Variants in PELI2 observed in about 807,000 individuals in gnomAD.
PELI2 encodes the protein E3 ubiquitin-protein ligase pellino homolog 2.
PELI2 carries 23 observed loss-of-function variants against 42.3 expected under a neutral mutation model. The ratio of observed to expected loss-of-function variants is 0.54; its 90% CI spans 0.39 to 0.77. The LOEUF is 0.77. Among genes scored for constraint, PELI2 ranks in the 30% least tolerant of loss-of-function variants. The pLI, the probability that PELI2 is intolerant of heterozygous loss-of-function variation, is 0.00. For missense variants in PELI2, 463 were observed against 553.2 expected, an observed-to-expected ratio of 0.84 and a Z score of 1.64; for synonymous variants, 245 against 212.2, an observed-to-expected ratio of 1.15 and a Z score of -1.34.
rs564017803 is a variant in PELI2 at position 56,273,225 on chromosome 14, A to G, written c.208-6451A>G. On this transcript the variant is annotated intron_variant, in intron 2 of 5. Transcript: ENST00000267460. This position sits in a 1 kb window ranked among gnomAD's most constrained non-coding sequence, Gnocchi z 4.3. Reference sequence around the variant, plus strand: ...ATCCCCATGTGGCATTTCATTCTCCAGGCCCTCTCCCTGTGGCTTTGGCTT... The same window carrying G: ...ATCCCCATGTGGCATTTCATTCTCCGGGCCCTCTCCCTGTGGCTTTGGCTT... Among the ~76,000 whole-genome samples, 4 of 152,302 alleles carry G rather than the reference A, an allele frequency of 2.6e-5. No homozygotes were observed. The highest frequency in any genetic ancestry group is 9.6e-5 in the African/African-American group (4 of 41,576).
intron 1 of PELI2, among the ~76,000 whole-genome samples, chr14:56,147,473 G>C (rs954321157): frequency 3.3e-5 from 5 of 152,144 alleles, no homozygotes; most frequent in Admixed American, 3.3e-4. Flanking sequence ...AATCACTGGT[G>C]GGATGGCTTC....
At chr14:56,267,061 G>A (rs145009517) in intron 2 of PELI2, among the ~76,000 whole-genome samples, 170 of 152,162 alleles carry the variant, frequency 1.1e-3, no homozygotes, top group Middle Eastern at 6.8e-3. Flanking sequence ...AGTAGTAGTG[G>A]CTTTCTTAGT....
At chr14:56,130,661 T>C (rs1031077589) in intron 1 of PELI2, among the ~76,000 whole-genome samples, 3 of 152,128 alleles carry the variant, frequency 2.0e-5, no homozygotes, top group African/African-American at 7.2e-5. Context: ...ATGTCTGTTT[T>C]TGAGGAAATA....
intron 3 of PELI2, among the ~76,000 whole-genome samples, chr14:56,287,176 C>T (rs542308859): frequency 6.6e-6 from 1 of 152,232 alleles, no homozygotes; most frequent in African/African-American, 2.4e-5. Context: ...CTATGAGGCT[C>T]CAGGTTTGGT....
chr14:56,126,625 C>T (rs555989821), intron 1 of PELI2, among the ~76,000 whole-genome samples: 103 of 152,120 alleles, frequency 6.8e-4, no homozygotes, highest in Admixed American at 2.0e-3. Flanking sequence ...ACCTCGGTGG[C>T]CCCCCTCCTT....
chr14:56,232,326 A>G (rs1457886559), intron 2 of PELI2, among the ~76,000 whole-genome samples: 1 of 152,144 alleles, frequency 6.6e-6, no homozygotes, highest in Non-Finnish European at 1.5e-5. Flanking sequence ...TTTTAGACCA[A>G]TATCCCTGAT....
At chr14:56,119,652 G>T in intron 1 of PELI2, 1 of 412,402 alleles carries the variant, frequency 2.4e-6, no homozygotes. Context: ...AATAAGCCAG[G>T]AGAGAGGCTT....
intron 1 of PELI2, among the ~76,000 whole-genome samples, chr14:56,139,626 C>T (rs1883828009): frequency 6.6e-6 from 1 of 151,996 alleles, no homozygotes. Flanking sequence ...ATTCTTACTG[C>T]CTTCTATGTT....
Position 56,191,180 on chromosome 14 carries a change from T to C in PELI2, c.207+12716T>C, listed in dbSNP as rs73290639. On this transcript the variant is annotated intron_variant, in intron 2 of 5. Transcript: ENST00000267460. ...TCCTGGACAGCAGGACCCACTCTTA[T>C]AGGCAGGTACCCAGAGAAGAAAGGC... 4.1e-3 allele frequency among the ~76,000 whole-genome samples: 627 copies of C among 152,296 alleles called. 4 individuals are homozygous for C. The highest frequency in any genetic ancestry group is 0.014 in the African/African-American group (594 of 41,560).
rs145661253 is a variant in PELI2, at chr14:56,201,975, T to C, written c.207+23511T>C. On this transcript the variant is annotated intron_variant, in intron 2 of 5. Transcript: ENST00000267460. ...TAGCACTTAACATGTGTTTAACTTA[T>C]CTATTCTCACAACCCGATGAGGTAA... Among the ~76,000 whole-genome samples the C allele has an allele frequency of 1.1e-3, 173 of 152,358 alleles. 1 individual carries two copies. The East Asian group carries it at 0.031, about 27-fold the overall frequency.
chr14:56,278,726 G>T lies in PELI2; in HGVS notation c.208-950G>T, dbSNP rs1411622187. Among the ~76,000 whole-genome samples the T allele has an allele frequency of 3.0e-4, 46 of 152,104 alleles. 2 individuals are homozygous for T. Among genetic ancestry groups the T allele is most frequent in the Admixed American group, 3.0e-3 (46 of 15,268 alleles). ...ATGTTTAGTACATTTTCATTAACAT[G>T]CTGTGTGTGTCCAGTTTCTTCTAGA... On this transcript the variant is annotated intron_variant, in intron 2 of 5. Transcript: ENST00000267460.
intron 2 of PELI2, among the ~76,000 whole-genome samples, chr14:56,270,273 T>A (rs534932870): frequency 4.6e-5 from 7 of 152,352 alleles, no homozygotes; most frequent in African/African-American, 1.4e-4. Context: ...GACTTTCTTA[T>A]CGTGGCCATG....
At chr14:56,262,918 A>AT (rs953199651) in intron 2 of PELI2, among the ~76,000 whole-genome samples, 3 of 151,356 alleles carry the variant, frequency 2.0e-5, no homozygotes, top group Non-Finnish European at 3.0e-5. Flanking sequence ...TTTTACCCAA[A>AT]TTTTTTTTTA....
chr14:56,181,604 C>T (rs1885581745), intron 2 of PELI2, among the ~76,000 whole-genome samples: 1 of 152,106 alleles, frequency 6.6e-6, no homozygotes, highest in African/African-American at 2.4e-5. Context: ...CCCTCCACCA[C>T]AACAATCATT....
At chr14:56,177,882 C>T (rs1420518503) in intron 1 of PELI2, among the ~76,000 whole-genome samples, 2 of 152,130 alleles carry the variant, frequency 1.3e-5, no homozygotes, top group East Asian at 3.8e-4. Context: ...AATAAAGATC[C>T]TGCAGACAAC....
Position 56,118,493 on chromosome 14 carries a change from A to G in PELI2, c.-168A>G, listed in dbSNP as rs1882932739. Reference sequence around the variant, plus strand: ...CAGGCGGAGCAGCCGCGCAGCCACGACGGAGCAGCAGCGGGACTGGCCGCC... The same window carrying G: ...CAGGCGGAGCAGCCGCGCAGCCACGGCGGAGCAGCAGCGGGACTGGCCGCC... On this transcript the variant is annotated 5_prime_UTR_variant, in exon 1 of 6. Coordinates refer to ENST00000267460, the MANE Select transcript of PELI2 (RefSeq NM_021255.3). 8.2e-6 allele frequency: 3 copies of G among 364,710 alleles called. No individual in the cohort carries two copies. Among genetic ancestry groups the G allele is most frequent in the Non-Finnish European group, 4.8e-6 (1 of 209,546 alleles). The allele number at this position is 364,710 out of a possible 1,614,324, so 22.6% of individuals were successfully genotyped here. A position where few individuals can be genotyped will look rare whatever the true frequency, so the allele number is the denominator to read the frequency against.
chr14:56,275,729 G>T (rs757707942), intron 2 of PELI2, among the ~76,000 whole-genome samples: 1 of 152,152 alleles, frequency 6.6e-6, no homozygotes, highest in Non-Finnish European at 1.5e-5. Context: ...GCTGTGTGCC[G>T]TGGTTCCTAA....
Position 56,163,863 on chromosome 14 carries a change from G to A in PELI2, c.78-14472G>A, listed in dbSNP as rs575317692. 1.2e-4 allele frequency among the ~76,000 whole-genome samples: 19 copies of A among 152,084 alleles called. No individual in the cohort carries two copies. In the South Asian group the frequency reaches 3.5e-3, roughly 28 times the overall value. On this transcript the variant is annotated intron_variant, in intron 1 of 5. Coordinates refer to ENST00000267460, the MANE Select transcript of PELI2 (RefSeq NM_021255.3). ...TAAAATTTCTTTTTCATGTTGTTCA[G>A]TATTGGCACATAGAAATGCTACTGA...
intron 1 of PELI2, chr14:56,119,804 C>T: frequency 1.0e-6 from 1 of 984,898 alleles, no homozygotes; most frequent in Non-Finnish European, 1.2e-6. Context: ...TCTGGGAACC[C>T]GCGCTTTTGT....
Sources: gnomAD v4.1 joint callset for allele counts (sites outside exome capture counted in the v4.1 genomes callset) on GRCh38, gnomAD v4.1.1 for gene constraint, Gnocchi (gnomAD v3.1) non-coding constraint, MANE v1.5 for transcripts, NCBI Gene and HGNC (gene_info 2026-07-23, HGNC 2026-07-21) for gene names.